The following P3H2 variants were observed in gnomAD, a reference collection of about 807,000 sequenced individuals.
P3H2 encodes the protein prolyl 3-hydroxylase 2.
Under a neutral mutation model 87.0 loss-of-function variants are expected in P3H2, and 80 were observed. The observed-to-expected ratio is 0.92, with a 90% CI of 0.77 to 1.11. The LOEUF (loss-of-function observed/expected upper bound fraction) is 1.11, where lower values mean the gene tolerates loss of function less well. P3H2 is among the 50% of genes least tolerant of loss of function. The pLI is 0.00. For missense variants in P3H2, 1,001 were observed against 923.9 expected (o/e 1.08, Z -1.08); for synonymous variants, 367 against 359.3 (o/e 1.02, Z -0.24).
At chr3:190,049,933 T>C (rs912413193) in intron 1 of P3H2, among the ~76,000 whole-genome samples, 1 of 152,236 alleles carries the variant, frequency 6.6e-6, no homozygotes, top group Admixed American at 6.5e-5. Context: ...TGTGGAACTT[T>C]CAGAGTCTCT....
At chr3:190,121,007 G>A, upstream of P3H2, 1 of 473,522 alleles carries the variant, frequency 2.1e-6, no homozygotes, top group Non-Finnish European at 3.6e-6. Flanking sequence ...CTGCAGCGGC[G>A]GGGCTGCCAG....
chr3:190,011,630 C>G (rs1724591616), intron 1 of P3H2, among the ~76,000 whole-genome samples: 1 of 152,134 alleles, frequency 6.6e-6, no homozygotes, highest in African/African-American at 2.4e-5. Context: ...ACAGAAAGAG[C>G]TGCCTGGGGA....
intron 1 of P3H2, among the ~76,000 whole-genome samples, chr3:190,011,328 T>C (rs960996816): frequency 6.6e-6 from 1 of 152,150 alleles, no homozygotes; most frequent in East Asian, 1.9e-4. Context: ...GCTTTTCTTT[T>C]ATACTTTCTC....
At chr3:189,988,786 TA>T (rs769913730) in intron 4 of P3H2, 120 bp downstream of exon 4, 121 of 1,280,862 alleles carry the variant, frequency 9.4e-5, no homozygotes, top group Non-Finnish European at 1.4e-4. Context: ...AAGAAATGCA[TA>T]AATTCCTATT....
chr3:190,111,533 C>T lies in P3H2; in HGVS notation c.480+8719G>A, dbSNP rs1484578816. ...TGGTAAAGGGTGGGGAGAAAGAATG[C>T]CTTTTTTAAAAAAAATCAGTCAAAG... is the stretch of plus-strand genomic sequence containing the variant. On this transcript the variant is annotated intron_variant, in intron 1 of 14. Coordinates refer to ENST00000319332, the MANE Select transcript of P3H2 (RefSeq NM_018192.4). Among the ~76,000 whole-genome samples the T allele has an allele frequency of 5.3e-5, 8 of 152,010 alleles. 1 individual carries two copies. Among genetic ancestry groups the T allele is most frequent in the Admixed American group, 2.6e-4 (4 of 15,260 alleles).
chr3:190,040,925 T>G (rs534911006), intron 1 of P3H2, among the ~76,000 whole-genome samples: 1 of 150,172 alleles, frequency 6.7e-6, no homozygotes, highest in East Asian at 2.0e-4. Context: ...GGTGCACACC[T>G]GTAAACACAG....
intron 13 of P3H2, among the ~76,000 whole-genome samples, chr3:189,966,132 AAAGAAAGAAAGAAAG>A (rs1722990033): frequency 2.0e-5 from 1 of 49,358 alleles, no homozygotes; most frequent in Non-Finnish European, 4.6e-5. Flanking sequence ...AAAAAGAAAG[AAAGAAAGAAAGAAAG>A]AAAGAAAGAA....
chr3:190,017,127 C>G (rs1724781075), intron 1 of P3H2, among the ~76,000 whole-genome samples: 1 of 152,170 alleles, frequency 6.6e-6, no homozygotes, highest in African/African-American at 2.4e-5. Context: ...TGTGTTTCCT[C>G]CCATTTGTTC....
Position 189,988,959 on chromosome 3 carries a change from G to C in P3H2, c.903C>G (p.Ile301Met), listed in dbSNP as rs546454555. Reference sequence around the variant, plus strand: ...CATAGTGCAGAGGAAGAAAATTCTCGATGGGAGAGAGGCGGCCAGGGCGGG... The same window carrying C: ...CATAGTGCAGAGGAAGAAAATTCTCCATGGGAGAGAGGCGGCCAGGGCGGG... ...LATRPGRLSP[I>M]ENFLPLHYDY... The change falls in exon 4 of 15, where the codon ATC becomes ATG. Residue 301 changes from isoleucine (I) to methionine (M), a missense_variant. Coordinates refer to ENST00000319332, the MANE Select transcript of P3H2 (RefSeq NM_018192.4). The C allele has an allele frequency of 5.6e-6, 9 of 1,614,090 alleles. No homozygotes were observed. Among genetic ancestry groups the C allele is most frequent in the Middle Eastern group, 1.6e-4 (1 of 6,062 alleles).
At chr3:189,970,281 T>C (rs1428553930) in intron 13 of P3H2, among the ~76,000 whole-genome samples, 1 of 141,302 alleles carries the variant, frequency 7.1e-6, no homozygotes. Context: ...TGTGTGTATA[T>C]ATATTATATA....
intron 8 of P3H2, among the ~76,000 whole-genome samples, 173 bp downstream of exon 8, chr3:189,982,873 A>AC (rs1176608081): frequency 2.0e-5 from 3 of 152,020 alleles, no homozygotes; most frequent in African/African-American, 4.8e-5. Flanking sequence ...TAATACACAA[A>AC]TCTAAGACTT....
intron 1 of P3H2, among the ~76,000 whole-genome samples, chr3:190,012,912 T>C (rs1414161248): frequency 1.3e-5 from 2 of 152,224 alleles, no homozygotes; most frequent in South Asian, 2.1e-4. Flanking sequence ...CTCTTTAAAC[T>C]TGAAAGTCCG....
At chr3:189,964,295 C>T (rs192273574) in intron 13 of P3H2, among the ~76,000 whole-genome samples, 197 bp from the exon 14 acceptor site, 47 of 152,290 alleles carry the variant, frequency 3.1e-4, no homozygotes, top group Middle Eastern at 3.4e-3. Flanking sequence ...ATATATACCT[C>T]AGAAAATAAA....
chr3:190,006,576 C>T (rs1724394840), intron 1 of P3H2, among the ~76,000 whole-genome samples: 1 of 152,160 alleles, frequency 6.6e-6, no homozygotes, highest in Non-Finnish European at 1.5e-5. Context: ...AAGACATACA[C>T]AGACTATTGA....
intron 1 of P3H2, among the ~76,000 whole-genome samples, chr3:190,110,780 A>G (rs1416016739): frequency 6.6e-6 from 1 of 152,246 alleles, no homozygotes; most frequent in African/African-American, 2.4e-5. Flanking sequence ...TTAGCATTCA[A>G]GCAAGAAGAA....
intron 1 of P3H2, among the ~76,000 whole-genome samples, chr3:190,039,342 A>G (rs975444938): frequency 6.6e-6 from 1 of 151,954 alleles, no homozygotes; most frequent in African/African-American, 2.4e-5. Context: ...GAAAGCACAT[A>G]TTCAATTTTA....
In P3H2 at chr3:189,964,019, G is replaced by A. The variant is rs769696806; in HGVS notation, c.1973C>T (p.Thr658Ile). The A allele has an allele frequency of 8.1e-6, 13 of 1,614,154 alleles. No individual in the cohort carries two copies. The highest frequency in any genetic ancestry group is 4.5e-5 in the East Asian group (2 of 44,878). ...GENPHGVKAV[T>I]KGKRCAVALW... ...AGCCACAGCACACCTCTTTCCCTTG[G>A]TGACTGCCTTCACCCCATGAGGGTT... The change falls in exon 14 of 15, where the codon ACC becomes ATC. Residue 658 changes from threonine (T) to isoleucine (I), a missense_variant. Thr to Ile is a moderately conservative substitution (Grantham distance 89). Coordinates refer to ENST00000319332, the MANE Select transcript of P3H2 (RefSeq NM_018192.4).
intron 13 of P3H2, chr3:189,969,595 G>A: frequency 8.1e-7 from 1 of 1,238,400 alleles, no homozygotes; most frequent in Non-Finnish European, 1.2e-6. Context: ...TGGTCCCTAT[G>A]ACATGTGTAC....
At chr3:190,051,264 C>G (rs1725972381) in intron 1 of P3H2, among the ~76,000 whole-genome samples, 2 of 152,184 alleles carry the variant, frequency 1.3e-5, no homozygotes, top group Admixed American at 6.5e-5. Context: ...GAAAAAGTTA[C>G]TTTTGTCAGG....
Sources: gnomAD v4.1 joint callset for allele counts (sites outside exome capture counted in the v4.1 genomes callset) on GRCh38, gnomAD v4.1.1 for gene constraint, MANE v1.5 for transcripts, NCBI Gene and HGNC (gene_info 2026-07-23, HGNC 2026-07-21) for gene names.